The following CYP11B1 variants were observed in gnomAD, a reference collection of about 807,000 sequenced individuals.
CYP11B1 encodes cytochrome P450 family 11 subfamily B member 1, also known as cytochrome P450 11B1, mitochondrial.
CYP11B1 carries 34 observed loss-of-function variants against 48.3 expected under a neutral mutation model. The ratio of observed to expected loss-of-function variants is 0.70; its 90% CI spans 0.54 to 0.94. CYP11B1 has a LOEUF of 0.94. Among genes scored for constraint, CYP11B1 ranks in the 40% least tolerant of loss-of-function variants. The probability of loss-of-function intolerance (pLI) is 0.00; values close to 1 mark genes in which losing one functional copy is unlikely to be tolerated. For synonymous variants in CYP11B1, 291 were observed against 262.5 expected, an observed-to-expected ratio of 1.11 and a Z score of -1.05; for missense variants, 688 against 657.4, an observed-to-expected ratio of 1.05 and a Z score of -0.51.
chr8:142,876,126 G>A, intron 5 of CYP11B1, 115 bp downstream of exon 5: 1 of 1,426,988 alleles, frequency 7.0e-7, no homozygotes, highest in Non-Finnish European at 9.8e-7. Context: ...AGTAAGAAAT[G>A]TGGGGCCCAT....
Position 142,877,227 on chromosome 8 carries a change from A to G in CYP11B1, c.396-5T>C. 1 of 1,610,406 alleles carries G rather than the reference A, an allele frequency of 6.2e-7. No homozygotes were observed. Among genetic ancestry groups the G allele is most frequent in the Non-Finnish European group, 8.5e-7 (1 of 1,178,444 alleles). On this transcript the variant is annotated splice_region_variant and splice_polypyrimidine_tract_variant and intron_variant, in intron 2 of 8. Transcript: ENST00000292427. ...AAGCGCCATTCAGGCCCATTCCTAC[A>G]GAGGCCAGGGCAGAGCTTGTGAGGC... is the stretch of plus-strand genomic sequence containing the variant.
At chr8:142,877,800 A>G in intron 2 of CYP11B1, 1 of 1,595,938 alleles carries the variant, frequency 6.3e-7, no homozygotes, top group Non-Finnish European at 8.5e-7. Flanking sequence ...CCCCCAGGGA[A>G]TGGTGGGGAG....
chr8:142,878,450 C>G (rs1817033330), intron 2 of CYP11B1, among the ~76,000 whole-genome samples: 2 of 152,216 alleles, frequency 1.3e-5, no homozygotes, highest in Non-Finnish European at 2.9e-5. Flanking sequence ...GCGCCACCCT[C>G]TGCACGGGCC....
intron 6 of CYP11B1, 48 bp downstream of exon 6, chr8:142,875,664 T>G: frequency 6.2e-7 from 1 of 1,606,516 alleles, no homozygotes; most frequent in Non-Finnish European, 8.5e-7. Flanking sequence ...TGGGGGCTGC[T>G]CTCCAGCAGG....
chr8:142,878,637 G>A (rs367769389), intron 2 of CYP11B1, among the ~76,000 whole-genome samples: 8 of 152,174 alleles, frequency 5.3e-5, no homozygotes, highest in Admixed American at 1.3e-4. Context: ...CGGCCCCGGC[G>A]AACACCAGGC....
At chr8:142,878,522 G>A (rs1400388561) in intron 2 of CYP11B1, among the ~76,000 whole-genome samples, 1 of 152,226 alleles carries the variant, frequency 6.6e-6, no homozygotes, top group Non-Finnish European at 1.5e-5. Flanking sequence ...TGAGAACAAT[G>A]GAGCCACCAG....
rs1137485 is a variant in CYP11B1, at chr8:142,873,686, C to G, written c.*687G>C. ...GGAAGCAGAGGACCCAACACCCACT[C>G]CTGGAACAAGGCCTGGTCCATGAAA... is the stretch of plus-strand genomic sequence containing the variant. On this transcript the variant is annotated 3_prime_UTR_variant, in exon 9 of 9. Coordinates refer to ENST00000292427, the MANE Select transcript of CYP11B1 (RefSeq NM_000497.4). 1.9e-5 allele frequency: 3 copies of G among 155,408 alleles called. No homozygotes were observed. The highest frequency in any genetic ancestry group is 2.9e-5 in the Non-Finnish European group (2 of 70,136). 9.6% of individuals were successfully genotyped at this position (155,408 alleles called of 1,614,324 possible).
In CYP11B1 at chr8:142,877,234, A is replaced by G. The variant is rs752219030; in HGVS notation, c.396-12T>C. ...ATTCAGGCCCATTCCTACAGAGGCC[A>G]GGGCAGAGCTTGTGAGGCCGCCCCA... On this transcript the variant is annotated splice_polypyrimidine_tract_variant and intron_variant, in intron 2 of 8. Coordinates refer to ENST00000292427, the MANE Select transcript of CYP11B1 (RefSeq NM_000497.4). The G allele has an allele frequency of 1.9e-6, 3 of 1,607,256 alleles. No individual in the cohort carries two copies. The highest frequency in any genetic ancestry group is 1.1e-5 in the South Asian group (1 of 89,550).
In CYP11B1 at chr8:142,872,390, C is replaced by T. The variant is rs942347861; in HGVS notation, c.*1983G>A. On this transcript the variant is annotated 3_prime_UTR_variant, in exon 9 of 9. Transcript: ENST00000292427. ...GCTTAAGGTTTAATACTGTTTGTCACATTCAATTTTGGAGTTGCTTGAAAC... is the reference window on the plus strand; with the variant it reads ...GCTTAAGGTTTAATACTGTTTGTCATATTCAATTTTGGAGTTGCTTGAAAC... 1 of 152,270 alleles carries T rather than the reference C, an allele frequency of 6.6e-6. No homozygotes were observed. Among genetic ancestry groups the T allele is most frequent in the Non-Finnish European group, 1.5e-5 (1 of 68,054 alleles). 9.4% of individuals were successfully genotyped at this position (152,270 alleles called of 1,614,324 possible).
At position 142,872,594 on chromosome 8, in the gene CYP11B1, A is replaced by G. The variant is rs967231808; in HGVS notation, c.*1779T>C. 6.6e-6 allele frequency: 1 copy of G among 152,218 alleles called. No individual in the cohort carries two copies. The highest frequency in any genetic ancestry group is 1.5e-5 in the Non-Finnish European group (1 of 68,032). The allele number at this position is 152,218 out of a possible 1,614,324, so 9.4% of individuals were successfully genotyped here. A position where few individuals can be genotyped will look rare whatever the true frequency, so the allele number is the denominator to read the frequency against. ...GTCTTACCCATGTTTGACTCAGATA[A>G]CATTTAAATCACACTTTGGACTACA... On this transcript the variant is annotated 3_prime_UTR_variant, in exon 9 of 9. Transcript: ENST00000292427.
chr8:142,879,363 C>T, intron 1 of CYP11B1, 176 bp from the exon 2 acceptor site: 1 of 1,608,490 alleles, frequency 6.2e-7, no homozygotes, highest in Middle Eastern at 1.7e-4. Context: ...CCTCTGAGTC[C>T]TGCCCTCTCT....
Position 142,879,698 on chromosome 8 carries a change from T to C in CYP11B1, c.116A>G (p.Glu39Gly). ...GTTGCCTGGACGCCGGGGCATGGCT[T>C]CAAAGGGCAGCACTGTCCTGGGGAC... ...ARVPRTVLPF[E>G]AMPRRPGNRW... Residue 39 changes from glutamate to glycine, a missense_variant, in exon 1 of 9, where the codon GAA becomes GGA. Physicochemically the swap from Glu to Gly is moderately conservative, Grantham distance 98. Coordinates refer to ENST00000292427, the MANE Select transcript of CYP11B1 (RefSeq NM_000497.4). 6.2e-7 allele frequency: 1 copy of C among 1,614,216 alleles called. No homozygotes were observed. The highest frequency in any genetic ancestry group is 8.5e-7 in the Non-Finnish European group (1 of 1,180,034).
At chr8:142,877,627 G>T (rs1817003655) in intron 2 of CYP11B1, 1 of 799,130 alleles carries the variant, frequency 1.3e-6, no homozygotes, top group East Asian at 2.6e-5. Context: ...TGAGGGGAGA[G>T]CCCCTGGCTG....
At position 142,874,274 on chromosome 8, in the gene CYP11B1, C is replaced by T. The variant is rs1159888075; in HGVS notation, c.*99G>A. On this transcript the variant is annotated 3_prime_UTR_variant, in exon 9 of 9. Coordinates refer to ENST00000292427, the MANE Select transcript of CYP11B1 (RefSeq NM_000497.4). Reference sequence around the variant, plus strand: ...TGGGGCTGGTTAGACAGAGGGGTGACTCAGGAAGCTGTGCATGTGGGAGAG... The same window carrying T: ...TGGGGCTGGTTAGACAGAGGGGTGATTCAGGAAGCTGTGCATGTGGGAGAG... 18 of 849,526 alleles carry T rather than the reference C, an allele frequency of 2.1e-5. No homozygotes were observed. In the African/African-American group the frequency reaches 2.8e-4, roughly 13 times the overall value. The allele number at this position is 849,526 out of a possible 1,614,324, so 52.6% of individuals were successfully genotyped here.
In CYP11B1 at chr8:142,875,970, C is replaced by T. The variant is rs753986729; in HGVS notation, c.955-92G>A. On this transcript the variant is annotated intron_variant, in intron 5 of 8. Coordinates refer to ENST00000292427, the MANE Select transcript of CYP11B1 (RefSeq NM_000497.4). ...CAGGACAACCTCCCTGTGAGGGGTG[C>T]AGACATGCATACCCTGAGAACGACA... The T allele has an allele frequency of 3.3e-6, 5 of 1,495,020 alleles. No homozygotes were observed. In the African/African-American group the frequency reaches 6.9e-5, roughly 21 times the overall value. The allele number at this position is 1,495,020 out of a possible 1,614,324, so 92.6% of individuals were successfully genotyped here.
In CYP11B1 at chr8:142,876,146, A is replaced by G. The variant is rs1259904748; in HGVS notation, c.954+95T>C. On this transcript the variant is annotated intron_variant, in intron 5 of 8. Coordinates refer to ENST00000292427, the MANE Select transcript of CYP11B1 (RefSeq NM_000497.4). ...GAAATGTGGGGCCCATAGCCTGGGG[A>G]TGGGACACGTGGGCGCCGTGTGACA... 26 of 1,536,834 alleles carry G rather than the reference A, an allele frequency of 1.7e-5. No homozygotes were observed. The East Asian group carries it at 5.0e-4, about 29-fold the overall frequency.
At chr8:142,876,042 G>A in intron 5 of CYP11B1, 164 bp from the exon 6 acceptor site, 2 of 1,128,434 alleles carry the variant, frequency 1.8e-6, no homozygotes, top group Non-Finnish European at 1.3e-6. Flanking sequence ...CCCTTTCCCT[G>A]AGTCCTCCAC....
Position 142,879,147 on chromosome 8 carries a change from G to T in CYP11B1, c.280C>A (p.Pro94Thr), listed in dbSNP as rs868587302. The T allele has an allele frequency of 1.2e-6, 2 of 1,613,884 alleles. No individual in the cohort carries two copies. The change falls in exon 2 of 9, where the codon CCG (proline) becomes ACG (threonine). Residue 94 changes from proline to threonine, a missense_variant. Physicochemically the swap from Pro to Thr is conservative, Grantham distance 38 (BLOSUM62 -1). Transcript: ENST00000292427. ...TGTTGCAGCTTCTCCACGTCCTCCG[G>T]CAGCATCACACACACCATGCCTGCT... The part of the protein sequence containing the change: ...GGAGMVCVML[P>T]EDVEKLQQVD...
chr8:142,877,684 G>T, intron 2 of CYP11B1: 1 of 1,508,204 alleles, frequency 6.6e-7, no homozygotes, highest in Non-Finnish European at 9.1e-7. Flanking sequence ...TGCCTCTGGG[G>T]CAGCAGCCCC....
Sources: gnomAD v4.1 joint callset for allele counts (sites outside exome capture counted in the v4.1 genomes callset) on GRCh38, gnomAD v4.1.1 for gene constraint, MANE v1.5 for transcripts, NCBI Gene and HGNC (gene_info 2026-07-23, HGNC 2026-07-21) for gene names.